Variants in PPARGC1A observed in about 807,000 individuals in gnomAD.
PPARGC1A encodes the protein peroxisome proliferator-activated receptor gamma coactivator 1-alpha.
Under a neutral mutation model 88.7 loss-of-function variants are expected in PPARGC1A, and 25 were observed. That is an observed-to-expected ratio of 0.28 (90% CI 0.21 to 0.39). The LOEUF (loss-of-function observed/expected upper bound fraction) is 0.39, where lower values mean the gene tolerates loss of function less well. PPARGC1A is among the 10% of genes least tolerant of loss of function. PPARGC1A has a pLI of 1.00. For synonymous variants in PPARGC1A, 363 were observed against 355.6 expected (o/e 1.02, Z -0.24); for missense variants, 880 against 968.7 (o/e 0.91, Z 1.22).
the PPARGC1A span, among the ~76,000 whole-genome samples, chr4:24,155,069 G>C: frequency 1.3e-5 from 2 of 151,772 alleles, no homozygotes; most frequent in African/African-American, 2.4e-5. Context: ...TCTCAGGTCA[G>C]CCACTAAGAA....
At chr4:24,072,996 T>C in the PPARGC1A span, among the ~76,000 whole-genome samples, 2 of 152,244 alleles carry the variant, frequency 1.3e-5, no homozygotes, top group Non-Finnish European at 2.9e-5. Context: ...CTTATCTTTT[T>C]TCCCCAGTAC....
chr4:24,073,664 T>A, the PPARGC1A span, among the ~76,000 whole-genome samples: 3 of 152,208 alleles, frequency 2.0e-5, no homozygotes, highest in Admixed American at 2.0e-4. Context: ...TGGTCAGCCC[T>A]ATCAGGCAGC....
chr4:24,162,262 A>T, the PPARGC1A span, among the ~76,000 whole-genome samples: 3 of 152,202 alleles, frequency 2.0e-5, no homozygotes, highest in African/African-American at 7.2e-5. Context: ...AATTGGATTC[A>T]GTATATACTG....
intron 7 of PPARGC1A, among the ~76,000 whole-genome samples, chr4:23,823,876 T>A (rs552676393): frequency 6.6e-6 from 1 of 152,230 alleles, no homozygotes; most frequent in South Asian, 2.1e-4. Context: ...GTAGGCACCA[T>A]AGTTCTGGTT....
At chr4:24,154,587 C>A in the PPARGC1A span, among the ~76,000 whole-genome samples, 2 of 152,176 alleles carry the variant, frequency 1.3e-5, no homozygotes, top group African/African-American at 4.8e-5. Context: ...TTTCTCATAT[C>A]ACATTTTCCC....
At chr4:23,982,036 A>G in the PPARGC1A span, among the ~76,000 whole-genome samples, 1 of 152,182 alleles carries the variant, frequency 6.6e-6, no homozygotes, top group South Asian at 2.1e-4. Context: ...ACACACATCA[A>G]GAAAATGACA....
chr4:24,241,030 ACCT>A, the PPARGC1A span, among the ~76,000 whole-genome samples: 1 of 152,154 alleles, frequency 6.6e-6, no homozygotes, highest in Non-Finnish European at 1.5e-5. Flanking sequence ...AAACTAACCC[ACCT>A]CCAGCTGTAG....
chr4:24,304,444 A>G, the PPARGC1A span, among the ~76,000 whole-genome samples: 1 of 152,176 alleles, frequency 6.6e-6, no homozygotes, highest in African/African-American at 2.4e-5. Context: ...TTTCATCCCC[A>G]CCAGCAATCC....
At chr4:24,397,690 A>G in the PPARGC1A span, among the ~76,000 whole-genome samples, 1 of 152,218 alleles carries the variant, frequency 6.6e-6, no homozygotes, top group African/African-American at 2.4e-5. Flanking sequence ...GTGGAGCAAC[A>G]AGGTAGAAAG....
At chr4:23,936,389 C>T in the PPARGC1A span, among the ~76,000 whole-genome samples, 3 of 152,104 alleles carry the variant, frequency 2.0e-5, no homozygotes, top group African/African-American at 7.2e-5. Flanking sequence ...CTATAGCCTC[C>T]AAGATCTGAA....
the PPARGC1A span, among the ~76,000 whole-genome samples, chr4:24,067,449 A>G: frequency 1.3e-5 from 2 of 152,212 alleles, no homozygotes; most frequent in East Asian, 3.8e-4. Context: ...TCCAGTAGGA[A>G]GCCATCAGCA....
the PPARGC1A span, among the ~76,000 whole-genome samples, chr4:23,979,022 G>A: frequency 6.6e-6 from 1 of 152,128 alleles, no homozygotes; most frequent in African/African-American, 2.4e-5. Flanking sequence ...AAAGAAGACA[G>A]AAAATAGAAG....
At chr4:24,022,983 C>A in the PPARGC1A span, among the ~76,000 whole-genome samples, 1 of 152,028 alleles carries the variant, frequency 6.6e-6, no homozygotes, top group Admixed American at 6.6e-5. Context: ...TATTTTGAGA[C>A]ATGATAGGAA....
the PPARGC1A span, among the ~76,000 whole-genome samples, chr4:24,362,282 T>C: frequency 6.6e-6 from 1 of 152,158 alleles, no homozygotes; most frequent in Non-Finnish European, 1.5e-5. Flanking sequence ...CAGATTCCTG[T>C]ATCAATTCCA....
chr4:24,074,733 C>T, the PPARGC1A span, among the ~76,000 whole-genome samples: 2 of 152,028 alleles, frequency 1.3e-5, no homozygotes, highest in Non-Finnish European at 2.9e-5. Context: ...AAACATTTGC[C>T]CCATGTGGTG....
At chr4:23,858,946 T>G (rs749350746) in intron 2 of PPARGC1A, among the ~76,000 whole-genome samples, 5 of 149,126 alleles carry the variant, frequency 3.4e-5, no homozygotes, top group Non-Finnish European at 7.4e-5. Flanking sequence ...AAAGTGTAAA[T>G]TTATATTTAT....
the PPARGC1A span, among the ~76,000 whole-genome samples, chr4:24,088,349 G>A: frequency 6.6e-6 from 1 of 151,758 alleles, no homozygotes; most frequent in Non-Finnish European, 1.5e-5. Context: ...AGGACAGAGG[G>A]AGATGCTATC....
At chr4:24,211,230 G>A in the PPARGC1A span, among the ~76,000 whole-genome samples, 2 of 152,040 alleles carry the variant, frequency 1.3e-5, no homozygotes, top group African/African-American at 2.4e-5. Flanking sequence ...TCTAAACAAT[G>A]AGAAACCTGA....
At chr4:24,390,428 G>A in the PPARGC1A span, among the ~76,000 whole-genome samples, 2 of 151,500 alleles carry the variant, frequency 1.3e-5, no homozygotes, top group East Asian at 1.9e-4. Context: ...TTTTTATTGT[G>A]GAAAATTATG....
Sources: allele counts gnomAD v4.1 joint callset (sites outside exome capture counted in the v4.1 genomes callset), GRCh38; gene constraint gnomAD v4.1.1; transcripts MANE v1.5; gene names NCBI Gene and HGNC (gene_info 2026-07-23, HGNC 2026-07-21).